NEGR1: variants seen among roughly 807,000 people sequenced by gnomAD.
NEGR1 encodes the protein neuronal growth regulator 1.
In NEGR1, 10 loss-of-function variants were observed where a neutral mutation model predicts 40.9. The observed-to-expected ratio is 0.24, with a 90% CI of 0.15 to 0.42. The LOEUF is 0.42. NEGR1 is among the 10% of genes least tolerant of loss of function. The pLI is 1.00. For missense variants in NEGR1, 352 were observed against 438.9 expected (o/e 0.80, Z 1.77); for synonymous variants, 185 against 166.8 (o/e 1.11, Z -0.84).
chr1:72,259,259 A>G (rs1418440700), intron 1 of NEGR1, among the ~76,000 whole-genome samples: 2 of 152,170 alleles, frequency 1.3e-5, no homozygotes, highest in African/African-American at 2.4e-5. Flanking sequence ...AGTCGACATT[A>G]ATTCAGGCAC....
chr1:72,123,242 A>G (rs1557538202), intron 1 of NEGR1, among the ~76,000 whole-genome samples: 1 of 151,970 alleles, frequency 6.6e-6, no homozygotes, highest in Non-Finnish European at 1.5e-5. Context: ...TTATAAATGA[A>G]AAGTTACTTA....
intron 3 of NEGR1, among the ~76,000 whole-genome samples, chr1:71,718,326 C>G (rs1443312267): frequency 1.3e-5 from 2 of 152,150 alleles, no homozygotes; most frequent in Admixed American, 1.3e-4. Flanking sequence ...GCCCCCACCA[C>G]TCTCGCTTGC....
intron 6 of NEGR1, among the ~76,000 whole-genome samples, chr1:71,453,702 C>T (rs902336039): frequency 3.3e-5 from 5 of 151,966 alleles, no homozygotes; most frequent in Admixed American, 1.3e-4. Context: ...CTATTGCCCT[C>T]GATGATATTT....
At chr1:71,514,918 G>C (rs1217346665) in intron 6 of NEGR1, among the ~76,000 whole-genome samples, 3 of 104,392 alleles carry the variant, frequency 2.9e-5, no homozygotes, top group Non-Finnish European at 5.4e-5. Flanking sequence ...CGAGAACTAC[G>C]TGAAGAATGC....
chr1:71,504,613 T>A (rs1390521007), intron 6 of NEGR1, among the ~76,000 whole-genome samples: 2 of 152,198 alleles, frequency 1.3e-5, no homozygotes, highest in Non-Finnish European at 2.9e-5. Flanking sequence ...CCAGGACTTT[T>A]AATAAATTTG....
At chr1:71,730,479 A>T (rs1217188749) in intron 3 of NEGR1, among the ~76,000 whole-genome samples, 1 of 150,368 alleles carries the variant, frequency 6.7e-6, no homozygotes, top group African/African-American at 2.4e-5. Context: ...GTCATATAAG[A>T]TGCAAATTAC....
chr1:71,986,812 C>A (rs1298256039), intron 1 of NEGR1, among the ~76,000 whole-genome samples: 3 of 152,200 alleles, frequency 2.0e-5, no homozygotes, highest in African/African-American at 7.2e-5. Context: ...TGCTTTCTAG[C>A]AATTCTCCTG....
intron 6 of NEGR1, among the ~76,000 whole-genome samples, chr1:71,490,243 A>T (rs1353809788): frequency 1.3e-5 from 2 of 151,976 alleles, no homozygotes; most frequent in African/African-American, 4.8e-5. Context: ...AATAACAATT[A>T]TATATTTGTT....
intron 1 of NEGR1, among the ~76,000 whole-genome samples, chr1:72,013,827 TAA>T (rs5775100): frequency 4.0e-4 from 57 of 144,282 alleles, no homozygotes; most frequent in Non-Finnish European, 7.5e-4. Context: ...AGTACTTAAT[TAA>T]AAAAAAAAAA....
chr1:71,590,394 C>T (rs1649460114), intron 6 of NEGR1, among the ~76,000 whole-genome samples: 1 of 152,020 alleles, frequency 6.6e-6, no homozygotes, highest in Non-Finnish European at 1.5e-5. Flanking sequence ...ATTATGGTAC[C>T]ACTGACCTTA....
intron 1 of NEGR1, among the ~76,000 whole-genome samples, chr1:72,011,089 G>A (rs1344987179): frequency 6.6e-6 from 1 of 152,022 alleles, no homozygotes; most frequent in African/African-American, 2.4e-5. Flanking sequence ...TCAAGTTCTT[G>A]TTTTTTTCTC....
At chr1:71,745,588 T>C (rs1464987429) in intron 3 of NEGR1, among the ~76,000 whole-genome samples, 5 of 152,082 alleles carry the variant, frequency 3.3e-5, no homozygotes, top group African/African-American at 1.2e-4. Context: ...TATGAGACAA[T>C]CTACCACCCC....
chr1:71,556,966 T>C (rs915099630), intron 6 of NEGR1, among the ~76,000 whole-genome samples: 5 of 151,584 alleles, frequency 3.3e-5, no homozygotes, highest in Non-Finnish European at 7.4e-5. Context: ...TGAATAGGAA[T>C]GTGGAGATTG....
At chr1:72,249,243 A>G (rs1483247562) in intron 1 of NEGR1, among the ~76,000 whole-genome samples, 2 of 152,210 alleles carry the variant, frequency 1.3e-5, no homozygotes, top group African/African-American at 4.8e-5. Context: ...TATCATCACT[A>G]GACACTCTGA....
intron 2 of NEGR1, among the ~76,000 whole-genome samples, chr1:71,839,204 T>C (rs1659150862): frequency 6.8e-6 from 1 of 146,836 alleles, no homozygotes; most frequent in East Asian, 2.0e-4. Context: ...CAGACTTTTT[T>C]TTTTTTTTTT....
At chr1:72,250,458 C>T (rs1655050617) in intron 1 of NEGR1, among the ~76,000 whole-genome samples, 1 of 152,114 alleles carries the variant, frequency 6.6e-6, no homozygotes, top group Admixed American at 6.5e-5. Flanking sequence ...GTAAATGCAG[C>T]TGCTAATTTG....
chr1:71,452,373 T>G (rs1041158548), intron 6 of NEGR1, among the ~76,000 whole-genome samples: 3 of 152,322 alleles, frequency 2.0e-5, no homozygotes, highest in East Asian at 1.9e-4. Context: ...GCTACAAGAT[T>G]TGAAAATGAT....
chr1:71,401,441 T>C lies in NEGR1; in HGVS notation c.*6005A>G, dbSNP rs1646245993. 1 of 152,240 alleles carries C rather than the reference T, an allele frequency of 6.6e-6. No individual in the cohort carries two copies. The highest frequency in any genetic ancestry group is 1.5e-5 in the Non-Finnish European group (1 of 68,038). The allele number at this position is 152,240 out of a possible 1,614,324, so 9.4% of individuals were successfully genotyped here. On this transcript the variant is annotated 3_prime_UTR_variant, in exon 7 of 7. Coordinates refer to ENST00000357731, the MANE Select transcript of NEGR1 (RefSeq NM_173808.3). ...TCATAAGTGTATGAAAATCACACTT[T>C]TTATGTTTTTCAAACTAAGTGGTGA...
At chr1:72,051,573 A>G (rs766691527) in intron 1 of NEGR1, among the ~76,000 whole-genome samples, 2 of 151,514 alleles carry the variant, frequency 1.3e-5, no homozygotes, top group Non-Finnish European at 3.0e-5. Context: ...GAAAACTACA[A>G]TGGACAGTGA....
Sources: allele counts gnomAD v4.1 joint callset (sites outside exome capture counted in the v4.1 genomes callset), GRCh38; gene constraint gnomAD v4.1.1; transcripts MANE v1.5; gene names NCBI Gene and HGNC (gene_info 2026-07-23, HGNC 2026-07-21).